TMTC1: variants seen among roughly 807,000 people sequenced by gnomAD.
TMTC1 encodes the protein transmembrane O-mannosyltransferase targeting cadherins 1.
A neutral mutation model predicts 104.8 loss-of-function variants in TMTC1; 73 were observed. The observed-to-expected ratio is 0.70, with a 90% CI of 0.58 to 0.85. TMTC1 has a LOEUF of 0.85. Among genes scored for constraint, TMTC1 ranks in the 40% least tolerant of loss-of-function variants. The pLI is 0.00. For synonymous variants in TMTC1, 434 were observed against 428.7 expected (o/e 1.01, Z -0.15); for missense variants, 1,035 against 1,096.1 (o/e 0.94, Z 0.79).
intron 11 of TMTC1, among the ~76,000 whole-genome samples, chr12:29,531,421 ATATTT>A (rs936555563): frequency 3.3e-5 from 5 of 152,146 alleles, no homozygotes; most frequent in East Asian, 3.9e-4. Flanking sequence ...TGAAGGAAAA[ATATTT>A]TATTTTAAGT....
At chr12:29,703,837 C>T (rs866361725) in intron 5 of TMTC1, among the ~76,000 whole-genome samples, 2 of 152,204 alleles carry the variant, frequency 1.3e-5, no homozygotes, top group Admixed American at 6.5e-5. Flanking sequence ...TCTTGGGAAA[C>T]AAAGTTAAAA....
chr12:29,705,642 C>T (rs1941719261), intron 5 of TMTC1, among the ~76,000 whole-genome samples: 1 of 152,126 alleles, frequency 6.6e-6, no homozygotes, highest in African/African-American at 2.4e-5. Flanking sequence ...GTATTTAAAC[C>T]TGAATTCAAA....
chr12:29,628,793 C>A (rs1051586339), intron 6 of TMTC1, among the ~76,000 whole-genome samples: 1 of 151,994 alleles, frequency 6.6e-6, no homozygotes, highest in African/African-American at 2.4e-5. Flanking sequence ...TGCCAAGTAG[C>A]TAGAAGTACA....
In TMTC1 at chr12:29,582,254, G is replaced by T. The variant is rs550486997; in HGVS notation, c.1418+1153C>A. 3.9e-5 allele frequency among the ~76,000 whole-genome samples: 6 copies of T among 152,286 alleles called. No homozygotes were observed. The South Asian group carries it at 1.2e-3, about 32-fold the overall frequency. ...TTCACTCATTCATTCATATTTGGCA[G>T]CCCAGAGATTATTCCCCCTTCTTAC... On this transcript the variant is annotated intron_variant, in intron 8 of 17. Transcript: ENST00000539277.
rs139833371 is a variant in TMTC1 at position 29,693,655 on chromosome 12, C to T, written c.938+58011G>A. On this transcript the variant is annotated intron_variant, in intron 5 of 17. Coordinates refer to ENST00000539277, the MANE Select transcript of TMTC1 (RefSeq NM_001193451.2). ...GTGCACTAAAAATGGGTGAATTTCA[C>T]AGTATTTAAATTATACCTCAATAAG... is the stretch of plus-strand genomic sequence containing the variant. 5.3e-5 allele frequency among the ~76,000 whole-genome samples: 8 copies of T among 152,260 alleles called. No homozygotes were observed. The East Asian group carries it at 1.3e-3, about 26-fold the overall frequency.
intron 11 of TMTC1, among the ~76,000 whole-genome samples, chr12:29,525,387 T>A (rs1047155897): frequency 5.3e-5 from 8 of 151,782 alleles, no homozygotes; most frequent in Admixed American, 3.9e-4. Flanking sequence ...GGTTTCACCA[T>A]GTTGGCCAGG....
intron 10 of TMTC1, among the ~76,000 whole-genome samples, chr12:29,548,320 G>A (rs1421004345): frequency 1.3e-5 from 2 of 152,188 alleles, no homozygotes; most frequent in Admixed American, 1.3e-4. Flanking sequence ...CTGATGGAGT[G>A]AAAAATGGCA....
At chr12:29,537,467 C>T (rs764716486) in intron 10 of TMTC1, among the ~76,000 whole-genome samples, 2 of 152,164 alleles carry the variant, frequency 1.3e-5, no homozygotes, top group Non-Finnish European at 2.9e-5. Flanking sequence ...AAACAGTCTT[C>T]GGAGTGCTCT....
chr12:29,645,566 T>A (rs907964657), intron 5 of TMTC1, among the ~76,000 whole-genome samples: 6 of 152,194 alleles, frequency 3.9e-5, no homozygotes, highest in Non-Finnish European at 7.3e-5. Context: ...CGTCTGAGAA[T>A]GTTAGCAACT....
chr12:29,727,611 C>T (rs1942431232), intron 5 of TMTC1, among the ~76,000 whole-genome samples: 1 of 152,034 alleles, frequency 6.6e-6, no homozygotes, highest in Non-Finnish European at 1.5e-5. Flanking sequence ...CTCCTGACCT[C>T]GTGATCTGCC....
Position 29,680,511 on chromosome 12 carries a change from C to A in TMTC1, c.939-47175G>T, listed in dbSNP as rs1940878634. On this transcript the variant is annotated intron_variant, in intron 5 of 17. Transcript: ENST00000539277. ...AAGAATGTGACTTTTAGTTAATTTT[C>A]TCTCTGTTCCACTAGAAATCAGATG... 2.0e-5 allele frequency among the ~76,000 whole-genome samples: 3 copies of A among 152,184 alleles called. 1 individual carries two copies. The highest frequency in any genetic ancestry group is 2.0e-4 in the Admixed American group (3 of 15,272).
At chr12:29,595,079 T>A (rs188182573) in intron 7 of TMTC1, among the ~76,000 whole-genome samples, 6 of 152,362 alleles carry the variant, frequency 3.9e-5, no homozygotes. Flanking sequence ...CATGTATTAT[T>A]GTATTCAGTC....
intron 5 of TMTC1, among the ~76,000 whole-genome samples, chr12:29,710,914 TAA>T (rs1346537361): frequency 2.0e-3 from 3 of 1,488 alleles, no homozygotes; most frequent in East Asian, 0.091. Context: ...TAATAATATA[TAA>T]ATATATATAA....
intron 9 of TMTC1, among the ~76,000 whole-genome samples, chr12:29,567,672 C>T (rs1592244051): frequency 6.6e-6 from 1 of 152,190 alleles, no homozygotes; most frequent in Non-Finnish European, 1.5e-5. Flanking sequence ...CAGCTGGTAT[C>T]CAAGTCCACC....
chr12:29,706,427 C>T (rs539169002), intron 5 of TMTC1, among the ~76,000 whole-genome samples: 2 of 152,284 alleles, frequency 1.3e-5, no homozygotes, highest in South Asian at 2.1e-4. Flanking sequence ...CCATTGCACG[C>T]TCATTTTATC....
At chr12:29,708,870 GC>G (rs1329822967) in intron 5 of TMTC1, among the ~76,000 whole-genome samples, 1 of 152,014 alleles carries the variant, frequency 6.6e-6, no homozygotes, top group Non-Finnish European at 1.5e-5. Context: ...AAAATCAAGG[GC>G]CAAGTCCCAA....
chr12:29,597,233 C>CTTTCTTTTTTTTT (rs1565697536), intron 7 of TMTC1, among the ~76,000 whole-genome samples: 1 of 131,340 alleles, frequency 7.6e-6, no homozygotes, highest in African/African-American at 3.7e-5. Flanking sequence ...TTCTTTCTTT[C>CTTTCTTTTTTTTT]TTTTCTTTCT....
intron 10 of TMTC1, among the ~76,000 whole-genome samples, chr12:29,553,577 A>G (rs1364709249): frequency 6.7e-6 from 1 of 150,128 alleles, no homozygotes; most frequent in African/African-American, 2.4e-5. Context: ...GGGCATCATG[A>G]AAAAAAAGGC....
At chr12:29,518,774 G>C (rs1354544442) in intron 12 of TMTC1, among the ~76,000 whole-genome samples, 167 bp from the exon 13 acceptor site, 1 of 152,138 alleles carries the variant, frequency 6.6e-6, no homozygotes, top group Non-Finnish European at 1.5e-5. Context: ...CCTGGCCATT[G>C]CCTAACTTTG....
Sources: gnomAD v4.1 joint callset for allele counts (sites outside exome capture counted in the v4.1 genomes callset) on GRCh38, gnomAD v4.1.1 for gene constraint, MANE v1.5 for transcripts, NCBI Gene and HGNC (gene_info 2026-07-23, HGNC 2026-07-21) for gene names.